SVEP1: variants seen among roughly 807,000 people sequenced by gnomAD.
SVEP1 encodes the protein sushi, von Willebrand factor type A, EGF and pentraxin domain-containing protein 1.
A neutral mutation model predicts 367.3 loss-of-function variants in SVEP1; 164 were observed. The ratio of observed to expected loss-of-function variants is 0.45; its 90% CI spans 0.39 to 0.51. The LOEUF (loss-of-function observed/expected upper bound fraction) is 0.51, where lower values mean the gene tolerates loss of function less well. Among genes scored for constraint, SVEP1 ranks in the 20% least tolerant of loss-of-function variants. SVEP1 has a pLI of 0.00. For synonymous variants in SVEP1, 1,666 were observed against 1,611.6 expected (o/e 1.03, Z -0.81); for missense variants, 4,117 against 4,425.3 (o/e 0.93, Z 1.98).
intron 37 of SVEP1, among the ~76,000 whole-genome samples, chr9:110,410,376 T>C (rs1021257007): frequency 1.3e-5 from 2 of 152,170 alleles, no homozygotes; most frequent in African/African-American, 4.8e-5. Context: ...CACAGTGAAA[T>C]TACCTTTAGG....
intron 2 of SVEP1, among the ~76,000 whole-genome samples, chr9:110,548,302 G>A (rs905257061): frequency 6.6e-6 from 1 of 152,026 alleles, no homozygotes; most frequent in East Asian, 1.9e-4. Flanking sequence ...GAAAACTGAG[G>A]TTCATAGTTG....
At chr9:110,434,086 GGT>G (rs1828394851) in intron 30 of SVEP1, among the ~76,000 whole-genome samples, 1 of 152,064 alleles carries the variant, frequency 6.6e-6, no homozygotes, top group South Asian at 2.1e-4. Flanking sequence ...CTACCTGTAG[GGT>G]GTGTCTTTCC....
At chr9:110,507,114 C>T (rs1023510346) in intron 5 of SVEP1, among the ~76,000 whole-genome samples, 2 of 152,064 alleles carry the variant, frequency 1.3e-5, no homozygotes, top group African/African-American at 4.8e-5. Flanking sequence ...ATAGATAGAA[C>T]CTACAAGCAT....
rs534077242 is a variant in SVEP1 at position 110,381,418 on chromosome 9, T to G, written c.10238-1901A>C. Among the ~76,000 whole-genome samples the G allele has an allele frequency of 9.0e-5, 12 of 133,316 alleles. No individual in the cohort carries two copies. In the East Asian group the frequency reaches 2.2e-3, roughly 24 times the overall value. The allele number at this position is 133,316 out of a possible 152,430, so 87.5% of individuals were successfully genotyped here. A position where few individuals can be genotyped will look rare whatever the true frequency, so the allele number is the denominator to read the frequency against. Reference sequence around the variant, plus strand: ...TGGTACATTGTCTCATTGTTCTCATTGCTTTCTGATTTCTTCCTTATTTAA... The same window carrying G: ...TGGTACATTGTCTCATTGTTCTCATGGCTTTCTGATTTCTTCCTTATTTAA... On this transcript the variant is annotated intron_variant, in intron 43 of 47. Coordinates refer to ENST00000374469, the MANE Select transcript of SVEP1 (RefSeq NM_153366.4).
intron 3 of SVEP1, among the ~76,000 whole-genome samples, chr9:110,525,129 G>T (rs758317516): frequency 6.6e-5 from 10 of 152,040 alleles, no homozygotes; most frequent in Non-Finnish European, 1.5e-4. Flanking sequence ...GAAATAAAAC[G>T]TATTCGGATT....
intron 30 of SVEP1, among the ~76,000 whole-genome samples, chr9:110,432,873 A>C (rs548141188): frequency 6.6e-6 from 1 of 152,130 alleles, no homozygotes; most frequent in African/African-American, 2.4e-5. Flanking sequence ...GACGCTGATA[A>C]AGTTTGGATA....
chr9:110,469,402 G>A (rs529583798), intron 16 of SVEP1, among the ~76,000 whole-genome samples: 2 of 152,118 alleles, frequency 1.3e-5, no homozygotes, highest in African/African-American at 2.4e-5. Context: ...AGATCATCAC[G>A]GGAAAGACAG....
chr9:110,420,196 T>G, intron 36 of SVEP1, among the ~76,000 whole-genome samples: 1 of 26,794 alleles, frequency 3.7e-5, no homozygotes, highest in Non-Finnish European at 6.6e-5. Context: ...TTTGAAAGGA[T>G]CAACAAAATT....
intron 36 of SVEP1, among the ~76,000 whole-genome samples, chr9:110,426,720 T>C (rs1828258713): frequency 6.6e-6 from 1 of 152,150 alleles, no homozygotes; most frequent in African/African-American, 2.4e-5. Context: ...TTGGTTGCAT[T>C]GAGACCCTAA....
intron 27 of SVEP1, among the ~76,000 whole-genome samples, chr9:110,441,623 TG>T (rs563285067): frequency 3.2e-4 from 48 of 152,246 alleles, no homozygotes; most frequent in Non-Finnish European, 6.0e-4. Context: ...TCAGTGATTC[TG>T]GGGTTTAAGG....
At chr9:110,546,955 G>GT (rs1830228524) in intron 2 of SVEP1, among the ~76,000 whole-genome samples, 1 of 152,180 alleles carries the variant, frequency 6.6e-6, no homozygotes, top group African/African-American at 2.4e-5. Flanking sequence ...CACACAAACA[G>GT]TAAGTCCTTT....
At chr9:110,555,433 T>C (rs1830344656) in intron 1 of SVEP1, among the ~76,000 whole-genome samples, 2 of 152,214 alleles carry the variant, frequency 1.3e-5, no homozygotes, top group African/African-American at 4.8e-5. Flanking sequence ...GTATGTTTTG[T>C]ATAGTTTTGT....
At chr9:110,527,156 T>C (rs1829949092) in intron 3 of SVEP1, among the ~76,000 whole-genome samples, 1 of 152,078 alleles carries the variant, frequency 6.6e-6, no homozygotes, top group Non-Finnish European at 1.5e-5. Context: ...TACTGTACTA[T>C]AATATCTCAA....
Position 110,450,133 on chromosome 9 carries a change from T to C in SVEP1, c.4029A>G (p.Gly1343=). ...GACTGAGACACTCATCGACGTTCTTTCCACATCGGGTACCCAAAAATCCAG... is the reference window on the plus strand; with the variant it reads ...GACTGAGACACTCATCGACGTTCTTCCCACATCGGGTACCCAAAAATCCAG... The part of the protein sequence containing the change: ...CPPGFLGTRC[G]KNVDECLSQP... Residue 1343 remains glycine (G), a synonymous_variant, in exon 24 of 48, where the codon GGA becomes GGG. Transcript: ENST00000374469. 6.2e-7 allele frequency: 1 copy of C among 1,613,956 alleles called. No individual in the cohort carries two copies.
Position 110,475,267 on chromosome 9 carries a change from C to T in SVEP1, c.2599+937G>A, listed in dbSNP as rs367817379. Reference sequence around the variant, plus strand: ...TATTCGAAATGGAAAAGATGTCTGCCGTAATGCGAATTAATACTTACCATC... The same window carrying T: ...TATTCGAAATGGAAAAGATGTCTGCTGTAATGCGAATTAATACTTACCATC... On this transcript the variant is annotated intron_variant, in intron 14 of 47. Transcript: ENST00000374469. Among the ~76,000 whole-genome samples, 52 of 152,160 alleles carry T rather than the reference C, an allele frequency of 3.4e-4. No individual in the cohort carries two copies. In the South Asian group the frequency reaches 0.011, roughly 31 times the overall value.
chr9:110,571,612 T>C (rs1243987226), intron 1 of SVEP1, among the ~76,000 whole-genome samples: 1 of 152,184 alleles, frequency 6.6e-6, no homozygotes, highest in Non-Finnish European at 1.5e-5. Context: ...GAAATAAATG[T>C]CCATCATGTT....
intron 1 of SVEP1, among the ~76,000 whole-genome samples, chr9:110,565,974 C>T (rs1830487043): frequency 6.6e-6 from 1 of 151,976 alleles, no homozygotes; most frequent in Non-Finnish European, 1.5e-5. Context: ...GGTCAAGTTA[C>T]TTACATTCTC....
At chr9:110,550,755 T>A (rs930404858) in intron 1 of SVEP1, among the ~76,000 whole-genome samples, 1 of 152,242 alleles carries the variant, frequency 6.6e-6, no homozygotes, top group Non-Finnish European at 1.5e-5. Context: ...CCAGAAATAC[T>A]GATTCACTAA....
intron 9 of SVEP1, among the ~76,000 whole-genome samples, chr9:110,489,337 T>C (rs1451734157): frequency 1.3e-5 from 2 of 152,094 alleles, no homozygotes; most frequent in Non-Finnish European, 2.9e-5. Flanking sequence ...GAGTAATTTA[T>C]AAAGGAAAGA....
Sources: allele counts gnomAD v4.1 joint callset (sites outside exome capture counted in the v4.1 genomes callset), GRCh38; gene constraint gnomAD v4.1.1; transcripts MANE v1.5; gene names NCBI Gene and HGNC (gene_info 2026-07-23, HGNC 2026-07-21).